Variants in ZNF559 observed in about 807,000 individuals in gnomAD.
The protein encoded by ZNF559 is zinc finger protein 559.
ZNF559 carries 17 observed loss-of-function variants against 14.2 expected under a neutral mutation model. That is an observed-to-expected ratio of 1.20 (90% CI 0.82 to 1.80). ZNF559 has a LOEUF of 1.80. ZNF559 is among the 40% of genes most tolerant of loss of function. The pLI is 0.00. For synonymous variants in ZNF559, 244 were observed against 212.4 expected (o/e 1.15, Z -1.29); for missense variants, 740 against 629.7 (o/e 1.18, Z -1.88).
rs1246005095 is a variant in ZNF559 at position 9,338,551 on chromosome 19, TG to T, written c.4del (p.Val2?). 1 of 1,614,056 alleles carries T rather than the reference TG, an allele frequency of 6.2e-7. No individual in the cohort carries two copies. Among genetic ancestry groups the T allele is most frequent in the South Asian group, 1.1e-5 (1 of 91,088 alleles). ...GAGTCAAAATTTGAAGAGGAAAGGA[TG>T]GTGGCTGGGTGGTTGACAAATTACT... [M>X]VAGWLTNYSQ... On this transcript the variant is annotated frameshift_variant and start_lost, in exon 4 of 7. Transcript: ENST00000603380. LOFTEE classifies it high-confidence loss of function.
At chr19:9,326,176 C>G (rs373413702) in intron 2 of ZNF559, among the ~76,000 whole-genome samples, 1 of 120,218 alleles carries the variant, frequency 8.3e-6, no homozygotes, top group African/African-American at 3.1e-5. Flanking sequence ...GTGGTGTGAT[C>G]TCAGCTCACT....
chr19:9,338,064 G>T lies in ZNF559; in HGVS notation c.-57+206G>T, dbSNP rs969203143. On this transcript the variant is annotated intron_variant, in intron 3 of 6. Transcript: ENST00000603380. Reference sequence around the variant, plus strand: ...TTCAAGACGCTGCTTTAACCAGTCTGTGAACAGCTTGTCTTGTGATTAGGG... The same window carrying T: ...TTCAAGACGCTGCTTTAACCAGTCTTTGAACAGCTTGTCTTGTGATTAGGG... 7.4e-6 allele frequency: 11 copies of T among 1,493,162 alleles called. No homozygotes were observed. The African/African-American group carries it at 1.4e-4, about 19-fold the overall frequency. The allele number at this position is 1,493,162 out of a possible 1,614,324, so 92.5% of individuals were successfully genotyped here.
At position 9,327,225 on chromosome 19, in the gene ZNF559, GGTTTT is replaced by G. The variant is rs201458944; in HGVS notation, c.-120+2461_-120+2465del. Among the ~76,000 whole-genome samples the G allele has an allele frequency of 6.1e-4, 81 of 133,608 alleles. 2 individuals carry two copies. The East Asian group carries it at 9.3e-3, about 15-fold the overall frequency. The allele number at this position is 133,608 out of a possible 152,430, so 87.7% of individuals were successfully genotyped here. ...CAGCCTTTCACCCAGTGGTTTTTTTGGTTTTGTTTTGTTTTGTTTTTTTTTGTTTT... is the reference window on the plus strand; with the variant it reads ...CAGCCTTTCACCCAGTGGTTTTTTTGGTTTTGTTTTGTTTTTTTTTGTTTT... On this transcript the variant is annotated intron_variant, in intron 2 of 6. Coordinates refer to ENST00000603380, the MANE Select transcript of ZNF559 (RefSeq NM_032497.3).
In ZNF559 at chr19:9,343,504, C is replaced by G; in HGVS notation, c.*436C>G. ...AATGTGTTGAAACCTTTCACTCTGC[C>G]TTATACCTTAATATTCAGCTGTGAT... is the stretch of plus-strand genomic sequence containing the variant. On this transcript the variant is annotated 3_prime_UTR_variant, in exon 7 of 7. Transcript: ENST00000603380. 5.0e-6 allele frequency: 5 copies of G among 1,008,184 alleles called. No individual in the cohort carries two copies. Among genetic ancestry groups the G allele is most frequent in the Non-Finnish European group, 4.8e-6 (4 of 841,876 alleles). The allele number at this position is 1,008,184 out of a possible 1,614,324, so 62.5% of individuals were successfully genotyped here.
upstream of ZNF559, chr19:9,324,045 C>G (rs1036219321): frequency 2.9e-6 from 3 of 1,048,228 alleles, no homozygotes; most frequent in Non-Finnish European, 4.1e-6. Flanking sequence ...TTGCGCTCTT[C>G]GGGGAGGTAA....
intron 5 of ZNF559, among the ~76,000 whole-genome samples, chr19:9,340,584 A>G (rs1236670111): frequency 2.2e-5 from 3 of 134,838 alleles, no homozygotes; most frequent in Admixed American, 7.7e-5. Context: ...AAAAAAAAAA[A>G]AAAAAAAGAG....
At chr19:9,329,112 TTTA>T (rs1468370344) in intron 2 of ZNF559, among the ~76,000 whole-genome samples, 4 of 152,246 alleles carry the variant, frequency 2.6e-5, no homozygotes, top group Admixed American at 6.5e-5. Flanking sequence ...TAAACTTTTC[TTTA>T]TTATTCTTGT....
At chr19:9,335,227 A>G (rs1025875271) in intron 2 of ZNF559, among the ~76,000 whole-genome samples, 1 of 151,826 alleles carries the variant, frequency 6.6e-6, no homozygotes, top group Non-Finnish European at 1.5e-5. Flanking sequence ...GCTTGAGCCC[A>G]GGAGTTCAAG....
chr19:9,335,377 A>G (rs1205697666), intron 2 of ZNF559, among the ~76,000 whole-genome samples: 1 of 151,774 alleles, frequency 6.6e-6, no homozygotes, highest in Non-Finnish European at 1.5e-5. Context: ...TGGGGTAGGA[A>G]GATTGCTTGA....
chr19:9,339,460 CT>C, intron 5 of ZNF559, 141 bp downstream of exon 5: 5 of 968,168 alleles, frequency 5.2e-6, no homozygotes, highest in Non-Finnish European at 7.5e-6. Flanking sequence ...ACCTTACTGC[CT>C]TGTGATTTTT....
In ZNF559 at chr19:9,343,254, T is replaced by C. The variant is rs565383822; in HGVS notation, c.*186T>C. On this transcript the variant is annotated 3_prime_UTR_variant, in exon 7 of 7. Coordinates refer to ENST00000603380, the MANE Select transcript of ZNF559 (RefSeq NM_032497.3). ...TGAATGTAAGGAATGTGGGAAAATC[T>C]TGGCTCCTTCCATAGGCCTTACTAT... 36 of 1,412,502 alleles carry C rather than the reference T, an allele frequency of 2.5e-5. No individual in the cohort carries two copies. In the African/African-American group the frequency reaches 3.7e-4, roughly 15 times the overall value. The allele number at this position is 1,412,502 out of a possible 1,614,324, so 87.5% of individuals were successfully genotyped here. A position where few individuals can be genotyped will look rare whatever the true frequency, so the allele number is the denominator to read the frequency against.
chr19:9,329,837 T>G (rs1215799097), intron 2 of ZNF559, among the ~76,000 whole-genome samples: 1 of 152,176 alleles, frequency 6.6e-6, no homozygotes, highest in Non-Finnish European at 1.5e-5. Context: ...CTAATTTTTG[T>G]ATTTTTAGTA....
At chr19:9,336,502 A>G (rs548979094) in intron 2 of ZNF559, among the ~76,000 whole-genome samples, 11 of 152,136 alleles carry the variant, frequency 7.2e-5, no homozygotes, top group Non-Finnish European at 1.2e-4. Context: ...GAGGCAGGAG[A>G]ATGGAGTGAA....
At chr19:9,326,502 T>A (rs2066614539) in intron 2 of ZNF559, among the ~76,000 whole-genome samples, 1 of 152,214 alleles carries the variant, frequency 6.6e-6, no homozygotes, top group South Asian at 2.1e-4. Context: ...GTGATTTTAT[T>A]TGATTTACCT....
upstream of ZNF559, chr19:9,323,951 C>A: frequency 3.5e-6 from 2 of 570,336 alleles, no homozygotes; most frequent in Non-Finnish European, 6.2e-6. Flanking sequence ...TCTTTCTTTG[C>A]TTTGCTGGGC....
intron 2 of ZNF559, among the ~76,000 whole-genome samples, chr19:9,333,526 A>G (rs932714982): frequency 2.0e-5 from 3 of 152,166 alleles, no homozygotes; most frequent in African/African-American, 7.2e-5. Context: ...CCATCTCTAC[A>G]GAAAACTAAA....
rs1172528678 is a variant in ZNF559 at position 9,345,473 on chromosome 19, CTT to C, written c.*2410_*2411del. The C allele has an allele frequency of 3.3e-5, 5 of 152,014 alleles. No individual in the cohort carries two copies. Among genetic ancestry groups the C allele is most frequent in the African/African-American group, 9.7e-5 (4 of 41,396 alleles). The allele number at this position is 152,014 out of a possible 1,614,324, so 9.4% of individuals were successfully genotyped here. On this transcript the variant is annotated 3_prime_UTR_variant, in exon 7 of 7. Transcript: ENST00000603380. ...CTTGCCAATTATTGGTATGGTCAGT[CTT>C]TTTTATTTTGACCATTTTAATAGGT...
intron 2 of ZNF559, among the ~76,000 whole-genome samples, chr19:9,334,546 C>A (rs2067121494): frequency 6.6e-6 from 1 of 152,044 alleles, no homozygotes; most frequent in Non-Finnish European, 1.5e-5. Flanking sequence ...CAAAATTAAC[C>A]TATACCGTTA....
chr19:9,326,213 G>A lies in ZNF559; in HGVS notation c.-120+1433G>A, dbSNP rs367561887. On this transcript the variant is annotated intron_variant, in intron 2 of 6. Coordinates refer to ENST00000603380, the MANE Select transcript of ZNF559 (RefSeq NM_032497.3). ...CAACCTCTGCCTCCTGCGTTCAAGC[G>A]ATTCTCCTGACTCAGCCTCCCAAGT... Among the ~76,000 whole-genome samples the A allele has an allele frequency of 4.1e-4, 59 of 143,740 alleles. 2 individuals are homozygous for A. The South Asian group carries it at 9.2e-3, about 22-fold the overall frequency. The allele number at this position is 143,740 out of a possible 152,430, so 94.3% of individuals were successfully genotyped here.
Sources: gnomAD v4.1 joint callset for allele counts (sites outside exome capture counted in the v4.1 genomes callset) on GRCh38, gnomAD v4.1.1 for gene constraint, MANE v1.5 for transcripts, NCBI Gene and HGNC (gene_info 2026-07-23, HGNC 2026-07-21) for gene names.